ANKDD1B: variants seen among roughly 807,000 people sequenced by gnomAD.
The protein encoded by ANKDD1B is ankyrin repeat and death domain-containing protein 1B.
In ANKDD1B, 57 loss-of-function variants were observed where a neutral mutation model predicts 59.7. The ratio of observed to expected loss-of-function variants is 0.95; its 90% confidence interval spans 0.77 to 1.19. The LOEUF (loss-of-function observed/expected upper bound fraction) is 1.19, where lower values mean the gene tolerates loss of function less well. ANKDD1B is among the 50% of genes most tolerant of loss of function. The pLI is 0.00. For synonymous variants in ANKDD1B, 216 were observed against 239.5 expected (o/e 0.90, Z 0.91); for missense variants, 602 against 641.9 (o/e 0.94, Z 0.67).
intron 8 of ANKDD1B, among the ~76,000 whole-genome samples, chr5:75,655,417 G>A (rs1325682184): frequency 1.3e-5 from 2 of 152,204 alleles, no homozygotes; most frequent in African/African-American, 4.8e-5. Context: ...CTGAGGAGTC[G>A]GGGCTCCAGA....
chr5:75,625,078 G>T (rs1240029598), intron 3 of ANKDD1B, among the ~76,000 whole-genome samples: 1 of 152,124 alleles, frequency 6.6e-6, no homozygotes, highest in African/African-American at 2.4e-5. Flanking sequence ...ATTAGGTACT[G>T]ACATTTTTAT....
In ANKDD1B at chr5:75,627,158, C is replaced by A. The variant is rs76807473; in HGVS notation, c.600+1203C>A. 3.3e-3 allele frequency among the ~76,000 whole-genome samples: 498 copies of A among 152,308 alleles called. 3 individuals carry two copies. The highest frequency in any genetic ancestry group is 0.028 in the East Asian group (144 of 5,188). ...GTGGTCTGGTTAGTACCACCATGCA[C>A]TAGCTGTGTGGTTTTAAGCAAGCTC... On this transcript the variant is annotated intron_variant, in intron 5 of 13. Transcript: ENST00000601380.
At chr5:75,624,368 A>T (rs574739646) in intron 3 of ANKDD1B, among the ~76,000 whole-genome samples, 1 of 152,258 alleles carries the variant, frequency 6.6e-6, no homozygotes, top group African/African-American at 2.4e-5. Context: ...CGGGGTGCAG[A>T]TGCATTTTTT....
At chr5:75,612,703 A>C (rs1306026156) in intron 1 of ANKDD1B, among the ~76,000 whole-genome samples, 1 of 152,176 alleles carries the variant, frequency 6.6e-6, no homozygotes, top group Non-Finnish European at 1.5e-5. Flanking sequence ...CAATAAAATA[A>C]GTACGCAAAT....
intron 5 of ANKDD1B, 120 bp downstream of exon 5, chr5:75,626,075 C>T: frequency 1.5e-6 from 1 of 682,146 alleles, no homozygotes; most frequent in Non-Finnish European, 2.5e-6. Flanking sequence ...GTAGCCGGCT[C>T]CTCCATCACC....
intron 11 of ANKDD1B, among the ~76,000 whole-genome samples, chr5:75,665,466 G>A (rs144725880): frequency 6.6e-6 from 1 of 152,182 alleles, no homozygotes; most frequent in Non-Finnish European, 1.5e-5. Context: ...AGGACAAAGT[G>A]AAGTGGCCCA....
At position 75,626,004 on chromosome 5, in the gene ANKDD1B, T is replaced by G. The variant is rs1042322024; in HGVS notation, c.600+49T>G. ...GTCTTGCATACACCCCTATCAAATTTCACTTTCTTCCTGCCTCTGGTACAG... is the reference window on the plus strand; with the variant it reads ...GTCTTGCATACACCCCTATCAAATTGCACTTTCTTCCTGCCTCTGGTACAG... On this transcript the variant is annotated intron_variant, in intron 5 of 13. Transcript: ENST00000601380. The G allele has an allele frequency of 3.8e-6, 5 of 1,333,260 alleles. No homozygotes were observed. In the African/African-American group the frequency reaches 7.3e-5, roughly 19 times the overall value. 82.6% of individuals were successfully genotyped at this position (1,333,260 alleles called of 1,614,324 possible).
At chr5:75,628,413 G>T (rs1236436803) in intron 5 of ANKDD1B, among the ~76,000 whole-genome samples, 1 of 152,136 alleles carries the variant, frequency 6.6e-6, no homozygotes, top group Non-Finnish European at 1.5e-5. Flanking sequence ...AAAATTGTGG[G>T]GGGAAATGCC....
At position 75,616,867 on chromosome 5, in the gene ANKDD1B, A is replaced by G; in HGVS notation, c.257A>G (p.Lys86Arg). The change falls in exon 2 of 14, where the codon AAG (lysine) becomes AGG (arginine). Residue 86 changes from lysine (K) to arginine (R), a missense_variant. By Grantham distance (26) the Lys-to-Arg change is conservative (BLOSUM62 2). Transcript: ENST00000601380. The stretch of plus-strand genomic sequence containing the variant: ...AGCAATAATTTGGATCTTATGGAGA[A>G]GCTGTTTGAAAAGAAGGTTAACATT... The part of the protein sequence containing the change: ...AKSNNLDLME[K>R]LFEKKVNINV... The G allele has an allele frequency of 6.5e-7, 1 of 1,532,358 alleles. No individual in the cohort carries two copies. The highest frequency in any genetic ancestry group is 1.7e-4 in the Middle Eastern group (1 of 5,980). The allele number at this position is 1,532,358 out of a possible 1,614,324, so 94.9% of individuals were successfully genotyped here.
At chr5:75,637,617 A>T (rs1774352729) in intron 7 of ANKDD1B, among the ~76,000 whole-genome samples, 1 of 152,172 alleles carries the variant, frequency 6.6e-6, no homozygotes, top group Non-Finnish European at 1.5e-5. Context: ...CTTTATTATC[A>T]CTTAAAATAT....
intron 2 of ANKDD1B, among the ~76,000 whole-genome samples, chr5:75,617,950 T>C (rs1420108031): frequency 6.6e-6 from 1 of 151,960 alleles, no homozygotes; most frequent in Non-Finnish European, 1.5e-5. Flanking sequence ...GTGGTGTGGC[T>C]TTGTGCTTAT....
intron 7 of ANKDD1B, among the ~76,000 whole-genome samples, chr5:75,641,472 C>T (rs971527744): frequency 4.6e-5 from 7 of 152,222 alleles, no homozygotes; most frequent in Non-Finnish European, 8.8e-5. Context: ...CCAGAACTAA[C>T]ATCCTTAATA....
intron 5 of ANKDD1B, among the ~76,000 whole-genome samples, chr5:75,631,834 G>A (rs898493732): frequency 9.2e-5 from 14 of 152,120 alleles, no homozygotes; most frequent in East Asian, 7.7e-4. Context: ...GGCTAGGCGC[G>A]GTGGCTCACA....
In ANKDD1B at chr5:75,611,489, G is replaced by A; in HGVS notation, c.-146G>A. On this transcript the variant is annotated 5_prime_UTR_variant, in exon 1 of 14. Transcript: ENST00000601380. ...AACCGCCACAACAGAGAGCGGACTC[G>A]ATCCTGCGCTCCGGCCGGGCTGACC... The A allele has an allele frequency of 1.9e-6, 1 of 536,506 alleles. No individual in the cohort carries two copies. Among genetic ancestry groups the A allele is most frequent in the South Asian group, 1.0e-4 (1 of 9,598 alleles). 33.2% of individuals were successfully genotyped at this position (536,506 alleles called of 1,614,324 possible).
At chr5:75,660,625 G>A (rs550804338) in intron 10 of ANKDD1B, among the ~76,000 whole-genome samples, 1 of 152,336 alleles carries the variant, frequency 6.6e-6, no homozygotes, top group East Asian at 1.9e-4. Context: ...TCAGAGAGCT[G>A]TGTTAGGTTC....
intron 8 of ANKDD1B, among the ~76,000 whole-genome samples, chr5:75,654,145 G>T (rs11955568): frequency 0.089 from 13,477 of 152,208 alleles, 1,423 homozygotes; most frequent in African/African-American, 0.26. Flanking sequence ...GCTGGCCTCC[G>T]ACAGTCTCTG....
At chr5:75,654,748 T>C (rs1774921151) in intron 8 of ANKDD1B, among the ~76,000 whole-genome samples, 1 of 152,260 alleles carries the variant, frequency 6.6e-6, no homozygotes, top group African/African-American at 2.4e-5. Flanking sequence ...GAGAATGTGC[T>C]GAGTGTGTCT....
intron 2 of ANKDD1B, among the ~76,000 whole-genome samples, chr5:75,619,312 G>A (rs1043345215): frequency 1.3e-4 from 20 of 152,300 alleles, no homozygotes; most frequent in Middle Eastern, 3.4e-3. Flanking sequence ...TAAGACTGGC[G>A]TCAGCTTGTT....
At chr5:75,649,578 A>G (rs1212367983) in intron 7 of ANKDD1B, among the ~76,000 whole-genome samples, 4 of 152,138 alleles carry the variant, frequency 2.6e-5, no homozygotes, top group African/African-American at 9.7e-5. Flanking sequence ...GTGGACTCCT[A>G]CTACAGGGTT....
Sources: allele counts gnomAD v4.1 joint callset (sites outside exome capture counted in the v4.1 genomes callset), GRCh38; gene constraint gnomAD v4.1.1; transcripts MANE v1.5; gene names NCBI Gene and HGNC (gene_info 2026-07-23, HGNC 2026-07-21).